The following TBC1D8B variants were observed in gnomAD, a reference collection of about 807,000 sequenced individuals.
TBC1D8B encodes RP11-321G1.1.
A neutral mutation model predicts 82.9 loss-of-function variants in TBC1D8B; 75 were observed. The ratio of observed to expected loss-of-function variants is 0.90; its 90% confidence interval spans 0.75 to 1.10. The LOEUF is 1.10. TBC1D8B is among the 50% of genes least tolerant of loss of function. The probability of loss-of-function intolerance (pLI) is 0.00; values close to 1 mark genes in which losing one functional copy is unlikely to be tolerated. For synonymous variants in TBC1D8B, 276 were observed against 276.8 expected (o/e 1.00, Z 0.03); for missense variants, 794 against 796.9 (o/e 1.00, Z 0.04).
At chrX:106,812,366 G>A (rs1011405850) in intron 1 of TBC1D8B, among the ~76,000 whole-genome samples, 1 of 111,934 alleles carries the variant, frequency 8.9e-6, no homozygotes, top group Non-Finnish European at 1.9e-5. Context: ...GACTTTGTAA[G>A]CATGACAACT....
At chrX:106,868,088 G>T (rs1372413747) in intron 17 of TBC1D8B, among the ~76,000 whole-genome samples, 1 of 109,635 alleles carries the variant, frequency 9.1e-6, no homozygotes, top group Non-Finnish European at 1.9e-5. Context: ...CTAAATGCCA[G>T]ATTTAAACAA....
At chrX:106,854,130 C>T (rs1273045232) in intron 13 of TBC1D8B, 68 bp from the exon 14 acceptor site, 2 of 781,446 alleles carry the variant, frequency 2.6e-6, no homozygotes, top group East Asian at 3.6e-5. Context: ...TCTGATAAAA[C>T]TGAATTGTAA....
At chrX:106,831,565 A>G (rs1435320038) in intron 7 of TBC1D8B, among the ~76,000 whole-genome samples, 2 of 111,806 alleles carry the variant, frequency 1.8e-5, no homozygotes, top group Non-Finnish European at 3.8e-5. Context: ...CATTCAGTCC[A>G]CGTGTTAGCT....
chrX:106,809,746 T>C (rs1931304883), intron 1 of TBC1D8B, among the ~76,000 whole-genome samples: 1 of 109,077 alleles, frequency 9.2e-6, no homozygotes, highest in Non-Finnish European at 1.9e-5. Context: ...TAGCTGGGCG[T>C]GGTGGCACAC....
chrX:106,805,661 C>T (rs1299616968), intron 1 of TBC1D8B, among the ~76,000 whole-genome samples: 1 of 112,062 alleles, frequency 8.9e-6, no homozygotes, highest in Non-Finnish European at 1.9e-5. Context: ...GTAAATTAAA[C>T]AAAATGGATA....
intron 7 of TBC1D8B, chrX:106,829,282 G>T (rs761135354): frequency 9.3e-6 from 1 of 107,277 alleles, no homozygotes; most frequent in African/African-American, 3.7e-5. Flanking sequence ...CACTACTCAA[G>T]GAAATAAAAG....
At chrX:106,820,405 G>A in intron 2 of TBC1D8B, among the ~76,000 whole-genome samples, 1 of 111,399 alleles carries the variant, frequency 9.0e-6, no homozygotes, top group Middle Eastern at 4.6e-3. Flanking sequence ...AATAAGTAGA[G>A]TGGCCACAGT....
intron 16 of TBC1D8B, 80 bp downstream of exon 16, chrX:106,866,113 A>T (rs1044004901): frequency 2.0e-6 from 2 of 980,705 alleles, no homozygotes; most frequent in Non-Finnish European, 2.8e-6. Flanking sequence ...ATTTAGTCAG[A>T]TTATATCACC....
At chrX:106,809,099 T>A (rs1348913481) in intron 1 of TBC1D8B, among the ~76,000 whole-genome samples, 1 of 112,493 alleles carries the variant, frequency 8.9e-6, no homozygotes, top group East Asian at 2.8e-4. Context: ...TTTCCACCTT[T>A]TGCTACTGCT....
chrX:106,865,837 A>G lies in TBC1D8B; in HGVS notation c.2466A>G (p.Val822=). 8.3e-7 allele frequency: 1 copy of G among 1,210,416 alleles called. No homozygotes were observed. Among genetic ancestry groups the G allele is most frequent in the Non-Finnish European group, 1.1e-6 (1 of 894,394 alleles). ...GTTATTGGTGTTTGGGTTGCCCAGT[A>G]TTGAAGCATCATGACCCCAGTCTGC... The part of the protein sequence containing the change: ...LSCYWCLGCP[V]LKHHDPSLPY... Residue 822 remains valine (V), a synonymous_variant, in exon 16 of 21, where the codon GTA becomes GTG. Coordinates refer to ENST00000357242, the MANE Select transcript of TBC1D8B (RefSeq NM_017752.3).
At chrX:106,836,731 A>G (rs1017469699) in intron 7 of TBC1D8B, among the ~76,000 whole-genome samples, 6 of 111,453 alleles carry the variant, frequency 5.4e-5, no homozygotes, top group African/African-American at 2.0e-4. Flanking sequence ...GAGTAACTAA[A>G]ACAGTATTGA....
intron 1 of TBC1D8B, among the ~76,000 whole-genome samples, chrX:106,810,686 A>G (rs1487115789): frequency 8.9e-6 from 1 of 112,166 alleles, no homozygotes; most frequent in East Asian, 2.8e-4. Context: ...AAGTGTTTCA[A>G]CTCATAAGCC....
chrX:106,846,657 C>T (rs1446206845), intron 10 of TBC1D8B, among the ~76,000 whole-genome samples: 2 of 111,693 alleles, frequency 1.8e-5, no homozygotes, highest in African/African-American at 6.5e-5. Flanking sequence ...ATTTTTACTA[C>T]ATCCCCTCCT....
At chrX:106,816,631 G>A (rs992127729) in intron 1 of TBC1D8B, among the ~76,000 whole-genome samples, 1 of 97,887 alleles carries the variant, frequency 1.0e-5, no homozygotes, top group Non-Finnish European at 2.3e-5. Context: ...ATTCATACTT[G>A]AACTTTTTTT....
At chrX:106,866,718 C>T in intron 16 of TBC1D8B, 79 bp from the exon 17 acceptor site, 1 of 743,429 alleles carries the variant, frequency 1.3e-6, no homozygotes, top group Non-Finnish European at 1.9e-6. Flanking sequence ...ATGTCTATAT[C>T]TTAATTAATC....
chrX:106,818,387 G>T, intron 1 of TBC1D8B: 1 of 214,109 alleles, frequency 4.7e-6, no homozygotes, highest in Non-Finnish European at 8.4e-6. Flanking sequence ...CCTTATGAAC[G>T]AGATACATAA....
At chrX:106,818,610 T>C (rs1931605282) in intron 1 of TBC1D8B, 53 bp from the exon 2 acceptor site, 3 of 926,795 alleles carry the variant, frequency 3.2e-6, no homozygotes, top group Non-Finnish European at 4.5e-6. Context: ...GTGATACAGA[T>C]TTGATTTATC....
At chrX:106,828,950 A>G in intron 7 of TBC1D8B, 1 of 107,277 alleles carries the variant, frequency 9.3e-6, no homozygotes, top group East Asian at 2.8e-4. Context: ...CAGGGCAATT[A>G]GGCAGGAGAA....
chrX:106,829,915 A>C (rs1437249383), intron 7 of TBC1D8B: 1 of 111,317 alleles, frequency 9.0e-6, no homozygotes, highest in Non-Finnish European at 1.9e-5. Context: ...CACCAAAAGC[A>C]ATGGCAACAA....
Sources: gnomAD v4.1 joint callset for allele counts (sites outside exome capture counted in the v4.1 genomes callset) on GRCh38, gnomAD v4.1.1 for gene constraint, MANE v1.5 for transcripts, NCBI Gene and HGNC (gene_info 2026-07-23, HGNC 2026-07-21) for gene names.